SERINC5: variants seen among roughly 807,000 people sequenced by gnomAD.
SERINC5 encodes chromosome 5 open reading frame 12.
Under a neutral mutation model 63.1 loss-of-function variants are expected in SERINC5, and 41 were observed. The ratio of observed to expected loss-of-function variants is 0.65; its 90% CI spans 0.51 to 0.84. The LOEUF is 0.84. Among genes scored for constraint, SERINC5 ranks in the 40% least tolerant of loss-of-function variants. SERINC5 has a pLI of 0.00. For missense variants in SERINC5, 523 were observed against 573.0 expected, an observed-to-expected ratio of 0.91 and a Z score of 0.89; for synonymous variants, 222 against 215.2, an observed-to-expected ratio of 1.03 and a Z score of -0.28.
chr5:80,150,860 C>T, intron 9 of SERINC5, 22 bp downstream of exon 9: 2 of 1,562,224 alleles, frequency 1.3e-6, no homozygotes, highest in Non-Finnish European at 1.8e-6. Flanking sequence ...TGAAGCAGGA[C>T]AGGAAAAGGA....
chr5:80,229,605 G>A (rs1330636317), intron 1 of SERINC5, among the ~76,000 whole-genome samples: 1 of 150,678 alleles, frequency 6.6e-6, no homozygotes, highest in Admixed American at 6.7e-5. Flanking sequence ...CAAAAACACA[G>A]ACATTCTGCT....
At chr5:80,131,500 AAG>A (rs1215825549) in intron 11 of SERINC5, among the ~76,000 whole-genome samples, 1 of 152,180 alleles carries the variant, frequency 6.6e-6, no homozygotes, top group Non-Finnish European at 1.5e-5. Context: ...CAGTATGGGA[AAG>A]AGTGTGTGCA....
intron 11 of SERINC5, among the ~76,000 whole-genome samples, chr5:80,123,894 G>T (rs1744640687): frequency 6.6e-6 from 1 of 152,084 alleles, no homozygotes; most frequent in Non-Finnish European, 1.5e-5. Context: ...TGTGCCTCTT[G>T]TTCTAAAACA....
intron 1 of SERINC5, among the ~76,000 whole-genome samples, chr5:80,203,825 C>T (rs954835472): frequency 1.3e-5 from 2 of 152,170 alleles, no homozygotes; most frequent in African/African-American, 4.8e-5. Context: ...CCCTAGATAG[C>T]TTCAGGATGG....
intron 1 of SERINC5, among the ~76,000 whole-genome samples, chr5:80,230,423 G>A (rs1751382413): frequency 7.7e-6 from 1 of 130,612 alleles, no homozygotes; most frequent in African/African-American, 3.1e-5. Flanking sequence ...TCCCGCCACT[G>A]CATTCTAGAG....
chr5:80,146,140 C>A lies in SERINC5; in HGVS notation c.1188G>T (p.Val396=), dbSNP rs1164371428. ...TCACATACAGGGAAGCTAGGAAGAA[C>A]ACGAAGTGGAAGTAGGAGTAGATGT... ...TVYIYSYFHF[V]FFLASLYVMM... The change falls in exon 11 of 12, where the codon GTG becomes GTT. Residue 396 remains valine (V), a synonymous_variant. Transcript: ENST00000507668. The A allele has an allele frequency of 3.7e-6, 6 of 1,614,028 alleles. No individual in the cohort carries two copies. Among genetic ancestry groups the A allele is most frequent in the Admixed American group, 1.7e-5 (1 of 60,022 alleles).
intron 2 of SERINC5, among the ~76,000 whole-genome samples, chr5:80,192,556 C>T (rs1352262306): frequency 2.6e-5 from 4 of 152,212 alleles, no homozygotes; most frequent in Middle Eastern, 3.4e-3. Context: ...CTCATCTCTG[C>T]GGCTCAGAAG....
intron 8 of SERINC5, chr5:80,157,406 T>A (rs1042473735): frequency 6.6e-6 from 1 of 151,826 alleles, no homozygotes; most frequent in Non-Finnish European, 1.5e-5. Context: ...CTCGGTTGCT[T>A]AGGCTGGAGT....
chr5:80,200,661 C>T (rs1434065769), intron 2 of SERINC5, among the ~76,000 whole-genome samples: 4 of 152,170 alleles, frequency 2.6e-5, no homozygotes, highest in Non-Finnish European at 4.4e-5. Flanking sequence ...TAGTATCCAC[C>T]ATATCCAAGA....
chr5:80,146,687 C>T (rs549387727), intron 10 of SERINC5, among the ~76,000 whole-genome samples: 6 of 152,246 alleles, frequency 3.9e-5, no homozygotes, highest in South Asian at 2.1e-4. Flanking sequence ...AACTCCTGAC[C>T]TCAGGTGATC....
At chr5:80,244,029 T>C (rs1223315423) in intron 1 of SERINC5, among the ~76,000 whole-genome samples, 1 of 152,102 alleles carries the variant, frequency 6.6e-6, no homozygotes, top group Non-Finnish European at 1.5e-5. Flanking sequence ...ATCCTGCAAT[T>C]TGGGGGCAGG....
chr5:80,200,322 C>CAAAA (rs11397908), intron 2 of SERINC5, among the ~76,000 whole-genome samples: 20 of 136,494 alleles, frequency 1.5e-4, no homozygotes, highest in South Asian at 7.2e-4. Flanking sequence ...CTAAAAAATA[C>CAAAA]AAAAAAAAAA....
downstream of SERINC5, among the ~76,000 whole-genome samples, chr5:80,136,142 CACTT>C (rs1745160544): frequency 6.6e-6 from 1 of 152,190 alleles, no homozygotes; most frequent in South Asian, 2.1e-4. Flanking sequence ...AGAGAAGGCT[CACTT>C]GAGAGCAGGA....
intron 1 of SERINC5, among the ~76,000 whole-genome samples, chr5:80,239,857 T>C (rs937525917): frequency 1.3e-5 from 2 of 152,086 alleles, no homozygotes; most frequent in African/African-American, 4.8e-5. Flanking sequence ...TTTATTATGG[T>C]ACAAGAAATC....
In SERINC5 at chr5:80,201,053, C is replaced by T. The variant is rs954317805; in HGVS notation, c.195+1833G>A. On this transcript the variant is annotated intron_variant, in intron 2 of 11. Coordinates refer to ENST00000507668, the MANE Select transcript of SERINC5 (RefSeq NM_001174072.3). ...GGCGGAGGCTGCAGTGGGCTGAGAT[C>T]GCGCCATTGCACTCCAGCCTGGGCA... Among the ~76,000 whole-genome samples the T allele has an allele frequency of 2.0e-5, 3 of 152,146 alleles. No individual in the cohort carries two copies. The East Asian group carries it at 5.8e-4, about 29-fold the overall frequency.
chr5:80,239,387 T>C (rs560111422), intron 1 of SERINC5, among the ~76,000 whole-genome samples: 21 of 134,020 alleles, frequency 1.6e-4, no homozygotes, highest in South Asian at 2.6e-4. Context: ...CTTAGTGAAA[T>C]TTCTCATACC....
intron 5 of SERINC5, among the ~76,000 whole-genome samples, chr5:80,172,781 T>C (rs1206724490): frequency 6.6e-6 from 1 of 151,940 alleles, no homozygotes; most frequent in Admixed American, 6.5e-5. Flanking sequence ...AGGTAAACAC[T>C]GCTGACTGGT....
At chr5:80,239,517 C>A in intron 1 of SERINC5, among the ~76,000 whole-genome samples, 1 of 144,132 alleles carries the variant, frequency 6.9e-6, no homozygotes. Context: ...AACGACATGA[C>A]AAGATTTAAG....
rs560678121 is a variant in SERINC5, at chr5:80,124,283, G to A, written c.1239-10658C>T. ...CCCCCAACCAATCACATAGCATGCC[G>A]CACTTCTAGCTGGCCCACTTGCAGC... On this transcript the variant is annotated intron_variant, in intron 11 of 12. Transcript: ENST00000509193. 1.4e-4 allele frequency among the ~76,000 whole-genome samples: 21 copies of A among 152,262 alleles called. No individual in the cohort carries two copies. In the South Asian group the frequency reaches 1.5e-3, roughly 11 times the overall value.
Sources: gnomAD v4.1 joint callset for allele counts (sites outside exome capture counted in the v4.1 genomes callset) on GRCh38, gnomAD v4.1.1 for gene constraint, MANE v1.5 for transcripts, NCBI Gene and HGNC (gene_info 2026-07-23, HGNC 2026-07-21) for gene names.